SLIT3: variants seen among roughly 807,000 people sequenced by gnomAD.
SLIT3 encodes slit guidance ligand 3, also known as slit homolog 3 protein.
In SLIT3, 68 loss-of-function variants were observed where a neutral mutation model predicts 184.0. The observed-to-expected ratio is 0.37, with a 90% CI of 0.30 to 0.45. The LOEUF is 0.45. Ranked by LOEUF, SLIT3 falls within the 20% of genes least tolerant of loss-of-function variation. SLIT3 has a pLI of 1.00. For missense variants in SLIT3, 1,707 were observed against 2,026.0 expected (o/e 0.84, Z 3.02); for synonymous variants, 831 against 828.6 (o/e 1.00, Z -0.05).
chr5:168,689,508 A>T (rs566168571), intron 29 of SLIT3, among the ~76,000 whole-genome samples: 2 of 152,286 alleles, frequency 1.3e-5, no homozygotes, highest in East Asian at 3.8e-4. Context: ...GGCTTATGCC[A>T]CCTCAGTGAG....
At chr5:169,187,232 G>A (rs992377928) in intron 4 of SLIT3, among the ~76,000 whole-genome samples, 1 of 145,046 alleles carries the variant, frequency 6.9e-6, no homozygotes, top group Non-Finnish European at 1.5e-5. Context: ...TCCTGCCTCA[G>A]CCTCTGAGTA....
At chr5:168,830,848 G>A (rs1757859086) in intron 6 of SLIT3, among the ~76,000 whole-genome samples, 3 of 152,194 alleles carry the variant, frequency 2.0e-5, no homozygotes, top group African/African-American at 4.8e-5. Context: ...ACAGACAGAT[G>A]TCACCTTTCC....
At chr5:168,685,586 G>C in intron 31 of SLIT3, 101 bp downstream of exon 31, 1 of 1,412,818 alleles carries the variant, frequency 7.1e-7, no homozygotes, top group Non-Finnish European at 9.4e-7. Context: ...GTCCCTGATG[G>C]TGCTTTACTG....
chr5:168,802,401 C>A (rs1014039462), intron 9 of SLIT3, among the ~76,000 whole-genome samples: 1 of 152,130 alleles, frequency 6.6e-6, no homozygotes, highest in African/African-American at 2.4e-5. Context: ...ACTGCCCTAT[C>A]CAGCCATAGA....
chr5:169,163,870 A>G (rs1213037774), intron 4 of SLIT3, among the ~76,000 whole-genome samples: 1 of 152,200 alleles, frequency 6.6e-6, no homozygotes, highest in Non-Finnish European at 1.5e-5. Flanking sequence ...AAACTCACCA[A>G]GGCAAATTCC....
rs116501680 is a variant in SLIT3 at position 168,887,925 on chromosome 5, G to A, written c.414-4589C>T. On this transcript the variant is annotated intron_variant, in intron 4 of 35. Coordinates refer to ENST00000519560, the MANE Select transcript of SLIT3 (RefSeq NM_003062.4). ...AAGAATAAAATACGTAAATGTTGCT[G>A]TACTCTTTCCATAAAATCTGAGGGA... Among the ~76,000 whole-genome samples, 1,149 of 152,246 alleles carry A rather than the reference G, an allele frequency of 7.5e-3. 12 individuals are homozygous for A. Among genetic ancestry groups the A allele is most frequent in the African/African-American group, 0.026 (1,074 of 41,550 alleles).
At chr5:168,749,910 C>A (rs1299443726) in intron 18 of SLIT3, among the ~76,000 whole-genome samples, 1 of 152,176 alleles carries the variant, frequency 6.6e-6, no homozygotes, top group Non-Finnish European at 1.5e-5. Context: ...CCCCGAGAGC[C>A]TTCACACTTG....
chr5:169,167,199 CA>C (rs11385125), intron 4 of SLIT3, among the ~76,000 whole-genome samples: 2 of 146,638 alleles, frequency 1.4e-5, no homozygotes, highest in Admixed American at 6.8e-5. Context: ...CAAAACAAAA[CA>C]AAAAAAACCG....
At chr5:168,823,160 C>G in intron 7 of SLIT3, 100 bp downstream of exon 7, 1 of 943,238 alleles carries the variant, frequency 1.1e-6, no homozygotes, top group Non-Finnish European at 1.8e-6. Flanking sequence ...GAACCATCTG[C>G]CTAGTCATAG....
chr5:169,083,624 C>T (rs1406762918), intron 4 of SLIT3, among the ~76,000 whole-genome samples: 2 of 152,136 alleles, frequency 1.3e-5, no homozygotes, highest in Non-Finnish European at 2.9e-5. Context: ...TTTAATTAGC[C>T]ATCTATATGC....
rs1222425312 is a variant in SLIT3, at chr5:168,880,239, T to G, written c.485+3026A>C. Reference sequence around the variant, plus strand: ...CACCTCCTCCTGTCCCCGGTTCCCCTTCCAGAACAAATGTTTTCACCGTGA... The same window carrying G: ...CACCTCCTCCTGTCCCCGGTTCCCCGTCCAGAACAAATGTTTTCACCGTGA... On this transcript the variant is annotated intron_variant, in intron 5 of 35. Transcript: ENST00000519560. Among the ~76,000 whole-genome samples the G allele has an allele frequency of 3.3e-5, 5 of 152,320 alleles. No individual in the cohort carries two copies. The South Asian group carries it at 1.0e-3, about 32-fold the overall frequency.
At chr5:169,006,578 T>TTCTC (rs369079733) in intron 4 of SLIT3, among the ~76,000 whole-genome samples, 7,553 of 139,958 alleles carry the variant, frequency 0.054, 633 homozygotes, top group African/African-American at 0.18. Context: ...TTTCCCCCTC[T>TTCTC]TCTCTCTCTC....
chr5:168,996,653 G>A (rs541080826), intron 4 of SLIT3, among the ~76,000 whole-genome samples: 5 of 152,212 alleles, frequency 3.3e-5, no homozygotes, highest in Non-Finnish European at 7.3e-5. Context: ...TTTCACTGAT[G>A]AATGTTACAG....
intron 1 of SLIT3, among the ~76,000 whole-genome samples, chr5:169,274,377 T>A (rs1245720951): frequency 6.6e-6 from 1 of 152,208 alleles, no homozygotes; most frequent in Non-Finnish European, 1.5e-5. Context: ...TCCTTATGCA[T>A]CTATTTCGTC....
chr5:169,266,634 G>C (rs1358535168), intron 1 of SLIT3, among the ~76,000 whole-genome samples: 1 of 152,072 alleles, frequency 6.6e-6, no homozygotes, highest in Non-Finnish European at 1.5e-5. Context: ...GGACTGGGTG[G>C]GTGGGAGGAA....
chr5:169,070,223 T>C lies in SLIT3; in HGVS notation c.413+123256A>G, dbSNP rs370915836. 3.6e-4 allele frequency among the ~76,000 whole-genome samples: 55 copies of C among 152,254 alleles called. No individual in the cohort carries two copies. In the East Asian group the frequency reaches 9.9e-3, roughly 27 times the overall value. ...TGGGGTTTGCAGTATGTTCGAGTGA[T>C]GTGTCCTTGAAGTAACTGGATGTTT... On this transcript the variant is annotated intron_variant, in intron 4 of 35. Coordinates refer to ENST00000519560, the MANE Select transcript of SLIT3 (RefSeq NM_003062.4).
intron 5 of SLIT3, among the ~76,000 whole-genome samples, chr5:168,870,267 G>T (rs1581163181): frequency 6.6e-6 from 1 of 152,220 alleles, no homozygotes; most frequent in African/African-American, 2.4e-5. Context: ...GTTGCCCCCA[G>T]ATGCAAAGTA....
chr5:168,877,660 C>G (rs1038253305), intron 5 of SLIT3, among the ~76,000 whole-genome samples: 1 of 152,130 alleles, frequency 6.6e-6, no homozygotes, highest in Non-Finnish European at 1.5e-5. Context: ...ACGGGCGGTG[C>G]GGCAACACAG....
At chr5:168,922,134 G>A (rs1482841586) in intron 4 of SLIT3, among the ~76,000 whole-genome samples, 4 of 152,110 alleles carry the variant, frequency 2.6e-5, no homozygotes, top group African/African-American at 9.7e-5. Context: ...GTTTCAAACT[G>A]CAAATAATTA....
Sources: allele counts gnomAD v4.1 joint callset (sites outside exome capture counted in the v4.1 genomes callset), GRCh38; gene constraint gnomAD v4.1.1; transcripts MANE v1.5; gene names NCBI Gene and HGNC (gene_info 2026-07-23, HGNC 2026-07-21).